Variants in ZNF670 observed in about 807,000 individuals in gnomAD.
ZNF670 encodes the protein zinc finger protein 670.
Under a neutral mutation model 10.9 loss-of-function variants are expected in ZNF670, and 7 were observed. That is an observed-to-expected ratio of 0.64 (90% CI 0.36 to 1.20). ZNF670 has a LOEUF of 1.20. Among genes scored for constraint, ZNF670 ranks in the 50% most tolerant of loss-of-function variants. ZNF670 has a pLI of 0.02. For synonymous variants in ZNF670, 136 were observed against 152.7 expected, an observed-to-expected ratio of 0.89 and a Z score of 0.81; for missense variants, 446 against 458.6, an observed-to-expected ratio of 0.97 and a Z score of 0.25.
At position 247,036,869 on chromosome 1, in the gene ZNF670, A is replaced by AACACACACACAC. The variant is rs376870318; in HGVS notation, c.*579_*580insGTGTGTGTGTGT. Reference sequence around the variant, plus strand: ...AAGTAGTTTTCCCATAAAAAGGTAGAATACACACACACACACACACACACA... The same window carrying AACACACACACAC: ...AAGTAGTTTTCCCATAAAAAGGTAGAACACACACACACATACACACACACACACACACACACA... On this transcript the variant is annotated 3_prime_UTR_variant, in exon 4 of 4. Coordinates refer to ENST00000366503, the MANE Select transcript of ZNF670 (RefSeq NM_033213.5). 1 of 59,084 alleles carries AACACACACACAC rather than the reference A, an allele frequency of 1.7e-5. No homozygotes were observed. Among genetic ancestry groups the AACACACACACAC allele is most frequent in the Non-Finnish European group, 3.6e-5 (1 of 27,398 alleles). 3.7% of individuals were successfully genotyped at this position (59,084 alleles called of 1,614,324 possible).
intron 1 of ZNF670, chr1:247,043,711 A>G (rs943195039): frequency 8.7e-6 from 4 of 460,788 alleles, no homozygotes; most frequent in African/African-American, 8.1e-5. Flanking sequence ...CAAAGAAATC[A>G]ATCATTTACC....
Position 247,039,550 on chromosome 1 carries a change from A to C in ZNF670, c.4-13T>G. On this transcript the variant is annotated splice_polypyrimidine_tract_variant and intron_variant, in intron 1 of 3. Coordinates refer to ENST00000366503, the MANE Select transcript of ZNF670 (RefSeq NM_033213.5). ...ATGACACTGAATCCTAGAATATCGC[A>C]CATATGTGGAGAGGAGGATGGCTTA... is the stretch of plus-strand genomic sequence containing the variant. The C allele has an allele frequency of 1.3e-6, 2 of 1,569,482 alleles. No individual in the cohort carries two copies. Among genetic ancestry groups the C allele is most frequent in the East Asian group, 2.4e-5 (1 of 42,302 alleles).
chr1:247,059,470 T>C (rs1210410668), intron 1 of ZNF670, among the ~76,000 whole-genome samples: 1 of 151,150 alleles, frequency 6.6e-6, no homozygotes, highest in Non-Finnish European at 1.5e-5. Context: ...ATAAAATAAA[T>C]GAGTAAATAA....
intron 1 of ZNF670, among the ~76,000 whole-genome samples, chr1:247,061,549 A>G (rs1004655411): frequency 1.3e-5 from 2 of 152,138 alleles, no homozygotes; most frequent in Non-Finnish European, 2.9e-5. Context: ...CTATACAACG[A>G]TATTTATACA....
chr1:247,077,993 C>A (rs928978027), intron 1 of ZNF670, among the ~76,000 whole-genome samples: 1 of 152,210 alleles, frequency 6.6e-6, no homozygotes, highest in African/African-American at 2.4e-5. Context: ...TAAACAACCA[C>A]GAACCCACCA....
At position 247,038,223 on chromosome 1, in the gene ZNF670, C is replaced by G. The variant is rs1670212641; in HGVS notation, c.396G>C (p.Glu132Asp). Residue 132 changes from glutamate to aspartate, a missense_variant, in exon 4 of 4, where the codon GAG (glutamate) becomes GAC (aspartate). Physicochemically the swap from Glu to Asp is conservative, Grantham distance 45. Coordinates refer to ENST00000366503, the MANE Select transcript of ZNF670 (RefSeq NM_033213.5). Reference protein sequence around the residue: ...ILSHIGNKLFECEECPEKLYH... With the variant: ...ILSHIGNKLFDCEECPEKLYH... ...ATAACTTCTCTGGACATTCCTCACACTCAAATAGTTTGTTTCCAATGTGAG... is the reference window on the plus strand; with the variant it reads ...ATAACTTCTCTGGACATTCCTCACAGTCAAATAGTTTGTTTCCAATGTGAG... 6.2e-7 allele frequency: 1 copy of G among 1,614,076 alleles called. No homozygotes were observed. Among genetic ancestry groups the G allele is most frequent in the African/African-American group, 1.3e-5 (1 of 74,932 alleles).
intron 1 of ZNF670, among the ~76,000 whole-genome samples, chr1:247,074,532 T>G (rs2103074383): frequency 6.6e-6 from 1 of 152,310 alleles, no homozygotes; most frequent in African/African-American, 2.4e-5. Context: ...CCTTCTTACA[T>G]AATTCTGAAT....
chr1:247,054,890 G>T (rs1670680939), intron 1 of ZNF670, among the ~76,000 whole-genome samples: 1 of 152,000 alleles, frequency 6.6e-6, no homozygotes, highest in Non-Finnish European at 1.5e-5. Flanking sequence ...ACATACAATG[G>T]ATACATAAAA....
At chr1:247,074,775 A>G (rs1003848705) in intron 1 of ZNF670, among the ~76,000 whole-genome samples, 1 of 151,922 alleles carries the variant, frequency 6.6e-6, no homozygotes, top group Non-Finnish European at 1.5e-5. Flanking sequence ...CAGGAGAAGG[A>G]GCTCAGGTGG....
chr1:247,056,658 T>C (rs1419228663), intron 1 of ZNF670, among the ~76,000 whole-genome samples: 2 of 152,020 alleles, frequency 1.3e-5, no homozygotes, highest in African/African-American at 4.8e-5. Flanking sequence ...TCCCAGCACT[T>C]TGGGAGGCTG....
rs78948551 is a variant in ZNF670, at chr1:247,048,911, C to T, written c.4-9374G>A. 1.5e-3 allele frequency among the ~76,000 whole-genome samples: 234 copies of T among 152,144 alleles called. 3 individuals carry two copies. The East Asian group carries it at 0.037, about 24-fold the overall frequency. ...TCAAATCATATCACCATCTCAATGCCGCTCCTTGTTATTGGTCTGTTTAGA... is the reference window on the plus strand; with the variant it reads ...TCAAATCATATCACCATCTCAATGCTGCTCCTTGTTATTGGTCTGTTTAGA... On this transcript the variant is annotated intron_variant, in intron 1 of 3. Transcript: ENST00000366503.
At chr1:247,041,566 G>T (rs746586524) in intron 1 of ZNF670, among the ~76,000 whole-genome samples, 1 of 152,156 alleles carries the variant, frequency 6.6e-6, no homozygotes, top group Non-Finnish European at 1.5e-5. Context: ...AAGGAAGGAG[G>T]AGTCAACTGA....
chr1:247,072,518 C>T (rs1435183088), intron 1 of ZNF670, among the ~76,000 whole-genome samples: 1 of 151,634 alleles, frequency 6.6e-6, no homozygotes, highest in East Asian at 2.0e-4. Flanking sequence ...GGCTCAGTGG[C>T]TCACGCCTGT....
At chr1:247,066,688 C>T (rs1388823966) in intron 1 of ZNF670, among the ~76,000 whole-genome samples, 1 of 152,206 alleles carries the variant, frequency 6.6e-6, no homozygotes, top group Non-Finnish European at 1.5e-5. Flanking sequence ...GTCAGACAAG[C>T]TTCTTTATAC....
At position 247,078,779 on chromosome 1, in the gene ZNF670, G is replaced by C. The variant is rs1032797522; in HGVS notation, c.-183C>G. On this transcript the variant is annotated 5_prime_UTR_variant, in exon 1 of 4. Coordinates refer to ENST00000366503, the MANE Select transcript of ZNF670 (RefSeq NM_033213.5). The stretch of plus-strand genomic sequence containing the variant: ...ACAAAAGCCGCGCCAGGTCCCGGAA[G>C]CTGCTCCCTCCTTTCGCGGCGCGCT... The C allele has an allele frequency of 4.7e-6, 3 of 638,232 alleles. No homozygotes were observed. The highest frequency in any genetic ancestry group is 8.1e-6 in the Non-Finnish European group (3 of 370,706). The allele number at this position is 638,232 out of a possible 1,614,324, so 39.5% of individuals were successfully genotyped here.
chr1:247,072,880 G>A (rs1277666531), intron 1 of ZNF670, among the ~76,000 whole-genome samples: 25 of 111,452 alleles, frequency 2.2e-4, no homozygotes, highest in Non-Finnish European at 1.1e-4. Flanking sequence ...ACATCTTTTC[G>A]GCACAGTATT....
intron 1 of ZNF670, among the ~76,000 whole-genome samples, chr1:247,075,637 G>GCT (rs140900586): frequency 1.6e-4 from 24 of 150,878 alleles, no homozygotes; most frequent in African/African-American, 4.4e-4. Context: ...CCCTGCACAA[G>GCT]CTCTCTCTCT....
In ZNF670 at chr1:247,038,843, T is replaced by G; in HGVS notation, c.158A>C (p.Gln53Pro). ...VGNKSEDQNI[Q>P]DDFKNPGRNL... is the part of the protein sequence containing the mutation. ...TCTCCCAGGATTTTTGAAGTCATCT[T>G]GGATATTCTGGTCTTCTGATTTGTT... Residue 53 changes from glutamine (Q) to proline (P), a missense_variant, in exon 3 of 4, where the codon CAA (glutamine) becomes CCA (proline). Physicochemically the swap from Gln to Pro is moderately conservative, Grantham distance 76. Transcript: ENST00000366503. The G allele has an allele frequency of 6.2e-7, 1 of 1,613,068 alleles. No individual in the cohort carries two copies. Among genetic ancestry groups the G allele is most frequent in the Non-Finnish European group, 8.5e-7 (1 of 1,179,514 alleles).
intron 1 of ZNF670, among the ~76,000 whole-genome samples, chr1:247,047,782 C>A (rs1364066338): frequency 1.3e-5 from 2 of 152,198 alleles, no homozygotes; most frequent in Non-Finnish European, 2.9e-5. Context: ...GGGGCTTGAA[C>A]CCTCTGAAGC....
Sources: gnomAD v4.1 joint callset for allele counts (sites outside exome capture counted in the v4.1 genomes callset) on GRCh38, gnomAD v4.1.1 for gene constraint, MANE v1.5 for transcripts, NCBI Gene and HGNC (gene_info 2026-07-23, HGNC 2026-07-21) for gene names.